The following SH3RF3 variants were observed in gnomAD, a reference collection of about 807,000 sequenced individuals.
SH3RF3 encodes E3 ubiquitin-protein ligase SH3RF3.
In SH3RF3, 29 loss-of-function variants were observed where a neutral mutation model predicts 66.3. The ratio of observed to expected loss-of-function variants is 0.44; its 90% CI spans 0.33 to 0.60. The LOEUF (loss-of-function observed/expected upper bound fraction) is 0.60. SH3RF3 is among the 20% of genes least tolerant of loss of function. The pLI, the probability that SH3RF3 is intolerant of heterozygous loss-of-function variation, is 0.04. For missense variants in SH3RF3, 1,194 were observed against 1,190.9 expected, an observed-to-expected ratio of 1.00 and a Z score of -0.04; for synonymous variants, 583 against 532.0, an observed-to-expected ratio of 1.10 and a Z score of -1.32.
At chr2:109,380,317 G>C (rs1031393972) in intron 3 of SH3RF3, among the ~76,000 whole-genome samples, 1 of 151,994 alleles carries the variant, frequency 6.6e-6, no homozygotes, top group Non-Finnish European at 1.5e-5. Context: ...TGATTGTTTT[G>C]TCTCCCTAAG....
intron 8 of SH3RF3, among the ~76,000 whole-genome samples, chr2:109,452,848 G>A (rs562880522): frequency 2.7e-4 from 41 of 149,600 alleles, no homozygotes; most frequent in Non-Finnish European, 4.9e-4. Flanking sequence ...GCTGGTCCCT[G>A]GGAGGCTGGT....
chr2:109,356,870 C>T (rs775262755), intron 2 of SH3RF3, among the ~76,000 whole-genome samples: 20 of 152,238 alleles, frequency 1.3e-4, no homozygotes, highest in Non-Finnish European at 2.5e-4. Context: ...TCACGGCCCC[C>T]ACAGCGCTCT....
chr2:109,140,231 G>A (rs1396190339), intron 1 of SH3RF3, among the ~76,000 whole-genome samples: 5 of 152,190 alleles, frequency 3.3e-5, no homozygotes, highest in African/African-American at 9.7e-5. Flanking sequence ...TGTGGTTGAC[G>A]CACGTGTTTG....
chr2:109,173,739 G>T (rs1022161258), intron 1 of SH3RF3, among the ~76,000 whole-genome samples: 5 of 152,190 alleles, frequency 3.3e-5, no homozygotes, highest in African/African-American at 9.7e-5. Flanking sequence ...TGTCTAGGGG[G>T]ACCAGGGACT....
intron 1 of SH3RF3, among the ~76,000 whole-genome samples, chr2:109,141,781 T>C (rs543252339): frequency 1.3e-5 from 2 of 152,140 alleles, no homozygotes; most frequent in South Asian, 4.1e-4. Context: ...GAGGGGGTAC[T>C]GGTTGGAGAA....
rs368505277 is a variant in SH3RF3, at chr2:109,236,193, G to A, written c.573+106080G>A. Among the ~76,000 whole-genome samples the A allele has an allele frequency of 2.0e-5, 3 of 152,330 alleles. No homozygotes were observed. In the East Asian group the frequency reaches 5.8e-4, roughly 29 times the overall value. On this transcript the variant is annotated intron_variant, in intron 1 of 9. Coordinates refer to ENST00000309415, the MANE Select transcript of SH3RF3 (RefSeq NM_001099289.3). ...CTGCCAAAAGAAAGAAAACTTTCTGGAAGTGAAAACTGCCTCCCAATTACA... is the reference window on the plus strand; with the variant it reads ...CTGCCAAAAGAAAGAAAACTTTCTGAAAGTGAAAACTGCCTCCCAATTACA...
rs111313774 is a variant in SH3RF3 at position 109,300,534 on chromosome 2, C to T, written c.574-47140C>T. The stretch of plus-strand genomic sequence containing the variant: ...CTTGAGTGAGGAAAAGACATGAATC[C>T]ATGCTCCAGAGATGACAGGCATCCT... On this transcript the variant is annotated intron_variant, in intron 1 of 9. Transcript: ENST00000309415. Among the ~76,000 whole-genome samples the T allele has an allele frequency of 6.1e-3, 929 of 152,258 alleles. 14 individuals are homozygous for T. The highest frequency in any genetic ancestry group is 0.022 in the African/African-American group (898 of 41,534).
intron 4 of SH3RF3, among the ~76,000 whole-genome samples, chr2:109,408,192 C>T (rs1168523352): frequency 6.6e-6 from 1 of 152,168 alleles, no homozygotes; most frequent in Non-Finnish European, 1.5e-5. Context: ...CGGTAGGCCC[C>T]ATGGGACCCA....
chr2:109,400,347 C>G (rs930227803), intron 4 of SH3RF3, among the ~76,000 whole-genome samples: 1 of 152,118 alleles, frequency 6.6e-6, no homozygotes, highest in African/African-American at 2.4e-5. Flanking sequence ...CACATGTGCA[C>G]TTACATACAC....
At chr2:109,144,911 C>T (rs1018001550) in intron 1 of SH3RF3, among the ~76,000 whole-genome samples, 2 of 152,184 alleles carry the variant, frequency 1.3e-5, no homozygotes, top group African/African-American at 2.4e-5. Context: ...GGTGCTGGGG[C>T]GGTGTGGACA....
chr2:109,130,044 C>A lies in SH3RF3; in HGVS notation c.504C>A (p.Ser168=). 1.5e-6 allele frequency: 2 copies of A among 1,358,686 alleles called. No homozygotes were observed. Among genetic ancestry groups the A allele is most frequent in the South Asian group, 1.8e-5 (1 of 55,904 alleles). 84.2% of individuals were successfully genotyped at this position (1,358,686 alleles called of 1,614,324 possible). A position where few individuals can be genotyped will look rare whatever the true frequency, so the allele number is the denominator to read the frequency against. Residue 168 remains serine, a synonymous_variant, in exon 1 of 10, where the codon TCC becomes TCA. Transcript: ENST00000309415. The part of the protein sequence containing the change: ...GSTPGSPVFL[S]AAAGSTAGSL... ...CCCCGGGTTCCCCGGTTTTCCTCTC[C>A]GCGGCCGCGGGCAGCACCGCCGGCA...
intron 1 of SH3RF3, among the ~76,000 whole-genome samples, chr2:109,166,399 C>T (rs547400031): frequency 1.8e-4 from 26 of 146,474 alleles, no homozygotes; most frequent in Non-Finnish European, 3.6e-4. Flanking sequence ...ATCACTTGAA[C>T]GTGGGAGGCG....
chr2:109,400,467 A>G (rs1559063156), intron 4 of SH3RF3, among the ~76,000 whole-genome samples: 1 of 152,070 alleles, frequency 6.6e-6, no homozygotes, highest in Non-Finnish European at 1.5e-5. Flanking sequence ...ACACACATAC[A>G]CATGTGCACA....
chr2:109,263,272 G>T (rs950970421), intron 1 of SH3RF3, among the ~76,000 whole-genome samples: 6 of 152,136 alleles, frequency 3.9e-5, no homozygotes, highest in African/African-American at 1.4e-4. Flanking sequence ...ATTATCTGTG[G>T]TCACTTGATT....
intron 1 of SH3RF3, among the ~76,000 whole-genome samples, chr2:109,257,231 A>G (rs545679765): frequency 3.3e-4 from 50 of 152,284 alleles, no homozygotes; most frequent in African/African-American, 1.2e-3. Flanking sequence ...TTGGAGAGGC[A>G]GCATCAAGTC....
intron 1 of SH3RF3, among the ~76,000 whole-genome samples, chr2:109,286,904 G>A (rs1681041637): frequency 6.6e-6 from 1 of 152,192 alleles, no homozygotes; most frequent in Admixed American, 6.5e-5. Context: ...AGTCAATGCT[G>A]TGAGTCTGCA....
intron 8 of SH3RF3, among the ~76,000 whole-genome samples, chr2:109,479,825 C>G (rs1002023609): frequency 6.6e-6 from 1 of 152,158 alleles, no homozygotes; most frequent in African/African-American, 2.4e-5. Context: ...ATCCACAGAC[C>G]ACTGATGAAG....
At chr2:109,192,027 G>A (rs1227603646) in intron 1 of SH3RF3, among the ~76,000 whole-genome samples, 1 of 152,048 alleles carries the variant, frequency 6.6e-6, no homozygotes, top group African/African-American at 2.4e-5. Context: ...TCATTTTGGC[G>A]AACACAATTT....
intron 1 of SH3RF3, among the ~76,000 whole-genome samples, chr2:109,166,877 A>T (rs181463540): frequency 6.6e-6 from 1 of 152,246 alleles, no homozygotes; most frequent in Non-Finnish European, 1.5e-5. Flanking sequence ...GCTATACATT[A>T]TACTTAGGGC....
Sources: gnomAD v4.1 joint callset for allele counts (sites outside exome capture counted in the v4.1 genomes callset) on GRCh38, gnomAD v4.1.1 for gene constraint, MANE v1.5 for transcripts, NCBI Gene and HGNC (gene_info 2026-07-23, HGNC 2026-07-21) for gene names.